DTNBP1: variants seen among roughly 807,000 people sequenced by gnomAD.
The protein encoded by DTNBP1 is dysbindin.
DTNBP1 carries 35 observed loss-of-function variants against 42.8 expected under a neutral mutation model. That is an observed-to-expected ratio of 0.82 (90% CI 0.63 to 1.09). The LOEUF (loss-of-function observed/expected upper bound fraction) is 1.09. Ranked by LOEUF, DTNBP1 falls within the 50% of genes least tolerant of loss-of-function variation. The probability of loss-of-function intolerance (pLI) is 0.00; values close to 1 mark genes in which losing one functional copy is unlikely to be tolerated. For missense variants in DTNBP1, 457 were observed against 424.2 expected (o/e 1.08, Z -0.68); for synonymous variants, 171 against 162.2 (o/e 1.05, Z -0.41).
chr6:15,553,891 C>T (rs1050304845), intron 7 of DTNBP1, among the ~76,000 whole-genome samples: 5 of 152,068 alleles, frequency 3.3e-5, no homozygotes, highest in Non-Finnish European at 5.9e-5. Context: ...TGCCCTTCTC[C>T]CCTGAGGCAG....
intron 7 of DTNBP1, among the ~76,000 whole-genome samples, chr6:15,544,596 AGG>A (rs1263838047): frequency 6.6e-6 from 1 of 152,226 alleles, no homozygotes; most frequent in Admixed American, 6.5e-5. Flanking sequence ...ATTGTAACAC[AGG>A]TTGAGTATCC....
intron 8 of DTNBP1, among the ~76,000 whole-genome samples, chr6:15,525,408 G>T (rs1439722591): frequency 6.6e-6 from 1 of 152,232 alleles, no homozygotes; most frequent in African/African-American, 2.4e-5. Context: ...ATTATTTCTG[G>T]AAGGACTCTC....
chr6:15,593,006 TG>T, intron 7 of DTNBP1, 52 bp downstream of exon 7: 1 of 1,494,052 alleles, frequency 6.7e-7, no homozygotes. Context: ...AGAGAACATC[TG>T]ATACCAATGA....
At chr6:15,634,473 C>T (rs140957395) in intron 4 of DTNBP1, among the ~76,000 whole-genome samples, 15 of 152,172 alleles carry the variant, frequency 9.9e-5, no homozygotes, top group African/African-American at 3.4e-4. Flanking sequence ...CCTGCCACCA[C>T]ACCAGGCTAA....
At chr6:15,584,738 A>G (rs1402723539) in intron 7 of DTNBP1, among the ~76,000 whole-genome samples, 1 of 140,132 alleles carries the variant, frequency 7.1e-6, no homozygotes. Flanking sequence ...TCATTTACAG[A>G]GAAGTGGCTT....
At chr6:15,533,559 A>T (rs879075307) in intron 7 of DTNBP1, 164 bp from the exon 8 acceptor site, 1 of 1,154,950 alleles carries the variant, frequency 8.7e-7, no homozygotes, top group Non-Finnish European at 1.3e-6. Context: ...CTTGTCCCCC[A>T]ATCTGCTGCA....
chr6:15,538,272 G>A (rs887680000), intron 7 of DTNBP1, among the ~76,000 whole-genome samples: 4 of 152,176 alleles, frequency 2.6e-5, no homozygotes, highest in African/African-American at 9.7e-5. Flanking sequence ...TCTGTTGCTG[G>A]GTTGGAGGAT....
At chr6:15,632,373 T>C (rs756688970) in intron 4 of DTNBP1, among the ~76,000 whole-genome samples, 10 of 152,262 alleles carry the variant, frequency 6.6e-5, no homozygotes, top group Non-Finnish European at 1.0e-4. Context: ...GTTTTCCTTT[T>C]CACATTTAAA....
At chr6:15,553,260 C>A (rs1774314323) in intron 7 of DTNBP1, among the ~76,000 whole-genome samples, 1 of 151,744 alleles carries the variant, frequency 6.6e-6, no homozygotes, top group Non-Finnish European at 1.5e-5. Context: ...AGGCCAGAAG[C>A]CAGACACAAA....
intron 1 of DTNBP1, among the ~76,000 whole-genome samples, chr6:15,662,440 A>T (rs2113841799): frequency 6.6e-6 from 1 of 152,308 alleles, no homozygotes; most frequent in East Asian, 1.9e-4. Flanking sequence ...CGAGGGGCGC[A>T]GGCCACTGTG....
chr6:15,653,725 C>G (rs1279016500), intron 1 of DTNBP1, among the ~76,000 whole-genome samples: 1 of 152,148 alleles, frequency 6.6e-6, no homozygotes, highest in Non-Finnish European at 1.5e-5. Flanking sequence ...ACACATTCTT[C>G]TCAATCACTT....
chr6:15,637,740 T>C lies in DTNBP1; in HGVS notation c.222+4A>G. The C allele has an allele frequency of 6.2e-7, 1 of 1,613,902 alleles. No homozygotes were observed. Among genetic ancestry groups the C allele is most frequent in the Non-Finnish European group, 8.5e-7 (1 of 1,179,994 alleles). ...CACGAGTATAAGATTAGTCAATTCT[T>C]TACCTCTCCAGCACTTGCACAGTCT... On this transcript the variant is annotated splice_donor_region_variant and intron_variant, in intron 4 of 9. Coordinates refer to ENST00000344537, the MANE Select transcript of DTNBP1 (RefSeq NM_032122.5).
chr6:15,582,453 T>C (rs1358863277), intron 7 of DTNBP1, among the ~76,000 whole-genome samples: 1 of 152,196 alleles, frequency 6.6e-6, no homozygotes, highest in African/African-American at 2.4e-5. Flanking sequence ...CACATGTACA[T>C]GCCTAATAAG....
At chr6:15,623,326 A>G (rs941522223) in intron 5 of DTNBP1, among the ~76,000 whole-genome samples, 1 of 152,224 alleles carries the variant, frequency 6.6e-6, no homozygotes, top group East Asian at 1.9e-4. Flanking sequence ...AAACCAAAAG[A>G]AAAACACAAA....
At chr6:15,637,607 A>T in intron 4 of DTNBP1, 137 bp downstream of exon 4, 2 of 931,496 alleles carry the variant, frequency 2.1e-6, no homozygotes, top group Non-Finnish European at 3.4e-6. Flanking sequence ...GAGTTTCATA[A>T]TCAACGACTA....
intron 7 of DTNBP1, among the ~76,000 whole-genome samples, chr6:15,579,143 CT>C (rs1206156249): frequency 6.6e-6 from 1 of 152,152 alleles, no homozygotes; most frequent in East Asian, 1.9e-4. Context: ...ATGGAATCAA[CT>C]AAATGTCTAT....
At chr6:15,571,433 G>T (rs372235014) in intron 7 of DTNBP1, among the ~76,000 whole-genome samples, 5 of 152,180 alleles carry the variant, frequency 3.3e-5, no homozygotes, top group Non-Finnish European at 1.5e-5. Context: ...GTAAATCACA[G>T]ATCCATGAAG....
At chr6:15,659,472 G>T (rs905491489) in intron 1 of DTNBP1, among the ~76,000 whole-genome samples, 3 of 152,040 alleles carry the variant, frequency 2.0e-5, no homozygotes, top group Non-Finnish European at 4.4e-5. Flanking sequence ...CTACAGAAAC[G>T]CCAGGTCCAA....
intron 7 of DTNBP1, among the ~76,000 whole-genome samples, chr6:15,559,454 G>A (rs1263119116): frequency 6.6e-6 from 1 of 152,176 alleles, no homozygotes; most frequent in Admixed American, 6.5e-5. Context: ...GATGTGTGAT[G>A]AAAAGTAGAT....
Sources: gnomAD v4.1 joint callset for allele counts (sites outside exome capture counted in the v4.1 genomes callset) on GRCh38, gnomAD v4.1.1 for gene constraint, MANE v1.5 for transcripts, NCBI Gene and HGNC (gene_info 2026-07-23, HGNC 2026-07-21) for gene names.